The following VAMP7 variants were observed in gnomAD, a reference collection of about 807,000 sequenced individuals.
VAMP7 encodes vesicle associated membrane protein 7.
A neutral mutation model predicts 29.6 loss-of-function variants in VAMP7; 14 were observed. That is an observed-to-expected ratio of 0.47 (90% CI 0.31 to 0.74). VAMP7 has a LOEUF of 0.74. Among genes scored for constraint, VAMP7 ranks in the 30% least tolerant of loss-of-function variants. VAMP7 has a pLI of 0.05. For missense variants in VAMP7, 223 were observed against 262.4 expected (o/e 0.85, Z 1.04); for synonymous variants, 95 against 88.1 (o/e 1.08, Z -0.44).
intron 6 of VAMP7, among the ~76,000 whole-genome samples, chrX:155,930,662 A>AT (rs1475125637): frequency 6.7e-6 from 1 of 150,108 alleles, no homozygotes; most frequent in East Asian, 1.9e-4. Context: ...AAAAAAAAAA[A>AT]AATTTTTTTT....
At chrX:155,932,702 T>G (rs1165946672) in intron 6 of VAMP7, among the ~76,000 whole-genome samples, 1 of 152,210 alleles carries the variant, frequency 6.6e-6, no homozygotes, top group East Asian at 1.9e-4. Flanking sequence ...CTTTATGTCT[T>G]TCTCTTGCCT....
intron 6 of VAMP7, among the ~76,000 whole-genome samples, chrX:155,929,447 C>T (rs748415084): frequency 2.0e-5 from 3 of 152,060 alleles, no homozygotes; most frequent in Admixed American, 2.0e-4. Context: ...TAAACAGTTG[C>T]CCCCCCTGGG....
chrX:155,941,821 T>TTATTAGAATAATATGGATTATTCTA (rs1332916892), intron 7 of VAMP7, 62 bp from the exon 8 acceptor site: 9 of 1,510,062 alleles, frequency 6.0e-6, no homozygotes, highest in Non-Finnish European at 8.1e-6. Flanking sequence ...CTTTCCTATA[T>TTATTAGAATAATATGGATTATTCTA]ATATTATTTA....
At chrX:155,882,941 A>C (rs1374190255) in intron 1 of VAMP7, among the ~76,000 whole-genome samples, 1 of 152,224 alleles carries the variant, frequency 6.6e-6, no homozygotes, top group Non-Finnish European at 1.5e-5. Context: ...TGACACCTGC[A>C]TTCCTGTTCT....
chrX:155,939,681 A>G lies in VAMP7; in HGVS notation c.502-20A>G. ...ATGTAGTCAGTGCCAGGGGTTAAAC[A>G]ATTCTCGCCTCTTTTCTAGTCTGTC... On this transcript the variant is annotated intron_variant, in intron 6 of 7. Coordinates refer to ENST00000286448, the MANE Select transcript of VAMP7 (RefSeq NM_005638.6). 3 of 1,593,570 alleles carry G rather than the reference A, an allele frequency of 1.9e-6. No homozygotes were observed. Among genetic ancestry groups the G allele is most frequent in the Non-Finnish European group, 2.6e-6 (3 of 1,161,454 alleles).
chrX:155,942,304 C>G lies in VAMP7; in HGVS notation c.*353C>G, dbSNP rs748487600. 22 of 814,172 alleles carry G rather than the reference C, an allele frequency of 2.7e-5. No homozygotes were observed. In the South Asian group the frequency reaches 3.5e-4, roughly 13 times the overall value. The allele number at this position is 814,172 out of a possible 1,614,324, so 50.4% of individuals were successfully genotyped here. A position where few individuals can be genotyped will look rare whatever the true frequency, so the allele number is the denominator to read the frequency against. On this transcript the variant is annotated 3_prime_UTR_variant, in exon 8 of 8. Coordinates refer to ENST00000286448, the MANE Select transcript of VAMP7 (RefSeq NM_005638.6). ...GCTATCTACTAAAACTATGGAGAAA[C>G]TTTGTATGTGCACACAAAAGTATTC...
At chrX:155,912,436 A>T (rs1158543310) in intron 5 of VAMP7, among the ~76,000 whole-genome samples, 4 of 152,006 alleles carry the variant, frequency 2.6e-5, no homozygotes, top group African/African-American at 9.7e-5. Context: ...AGGTATACAC[A>T]TGCCATGGTG....
chrX:155,926,863 A>G (rs1478193238), intron 6 of VAMP7, among the ~76,000 whole-genome samples: 1 of 152,132 alleles, frequency 6.6e-6, no homozygotes, highest in Non-Finnish European at 1.5e-5. Flanking sequence ...CCAAATTTCA[A>G]TATTGTGTCT....
chrX:155,919,272 A>G (rs1055688438), intron 5 of VAMP7, among the ~76,000 whole-genome samples: 2 of 152,136 alleles, frequency 1.3e-5, no homozygotes, highest in African/African-American at 4.8e-5. Flanking sequence ...ATTCAATCCC[A>G]TTACTCATTA....
rs188118456 is a variant in VAMP7 at position 155,936,475 on chromosome X, C to T, written c.502-3226C>T. ...GCTGTGCTAGCAATGAGTGAGGCTC[C>T]GTGGGTGTGGGACCCTCTGAGCCAG... On this transcript the variant is annotated intron_variant, in intron 6 of 7. Transcript: ENST00000286448. 6.8e-4 allele frequency among the ~76,000 whole-genome samples: 104 copies of T among 152,306 alleles called. No individual in the cohort carries two copies. In the East Asian group the frequency reaches 0.019, roughly 27 times the overall value.
chrX:155,887,749 T>C (rs1048960902), intron 1 of VAMP7, among the ~76,000 whole-genome samples: 2 of 151,008 alleles, frequency 1.3e-5, no homozygotes, highest in Middle Eastern at 3.2e-3. Flanking sequence ...GGTGACATGG[T>C]GAAACCCTGT....
Position 155,903,684 on chromosome X carries a change from G to A in VAMP7, c.433+3097G>A, listed in dbSNP as rs369881181. ...CCATCTCACACCAGTTAGAATGGCA[G>A]TCATTAAAAAGTCAGGAAACAACAG... On this transcript the variant is annotated intron_variant, in intron 5 of 7. Coordinates refer to ENST00000286448, the MANE Select transcript of VAMP7 (RefSeq NM_005638.6). Among the ~76,000 whole-genome samples the A allele has an allele frequency of 4.0e-4, 61 of 151,934 alleles. No individual in the cohort carries two copies. The East Asian group carries it at 5.4e-3, about 14-fold the overall frequency.
chrX:155,896,295 A>G (rs2065986586), intron 3 of VAMP7, among the ~76,000 whole-genome samples: 1 of 152,214 alleles, frequency 6.6e-6, no homozygotes, highest in African/African-American at 2.4e-5. Flanking sequence ...GTTCATAATT[A>G]TAATTCTTTG....
At chrX:155,896,835 C>T (rs986875344) in intron 3 of VAMP7, among the ~76,000 whole-genome samples, 5 of 152,126 alleles carry the variant, frequency 3.3e-5, no homozygotes, top group Non-Finnish European at 5.9e-5. Context: ...GTATCACAGA[C>T]TCGTCACTTG....
At chrX:155,917,721 C>G (rs2066333864) in intron 5 of VAMP7, among the ~76,000 whole-genome samples, 1 of 152,102 alleles carries the variant, frequency 6.6e-6, no homozygotes, top group African/African-American at 2.4e-5. Context: ...AGCCAGAGCT[C>G]TCCTGTATGA....
At position 155,898,160 on chromosome X, in the gene VAMP7, A is replaced by G; in HGVS notation, c.253A>G (p.Arg85Gly). The G allele has an allele frequency of 6.2e-7, 1 of 1,613,644 alleles. No homozygotes were observed. The highest frequency in any genetic ancestry group is 1.1e-5 in the South Asian group (1 of 91,044). Residue 85 changes from arginine to glycine, a missense_variant, in exon 4 of 8, where the codon AGG becomes GGG. By Grantham distance (125) the Arg-to-Gly change is moderately radical. Coordinates refer to ENST00000286448, the MANE Select transcript of VAMP7 (RefSeq NM_005638.6). The part of the protein sequence containing the change: ...AFNFLNEIKK[R>G]FQTTYGSRAQ... ...TAATTTTCTGAATGAGATAAAGAAG[A>G]GGTTCCAGACTACTTACGGTTCAAG... is the stretch of plus-strand genomic sequence containing the variant.
intron 6 of VAMP7, among the ~76,000 whole-genome samples, chrX:155,935,107 G>A (rs1316928211): frequency 3.0e-4 from 46 of 152,132 alleles, no homozygotes; most frequent in Admixed American, 4.6e-4. Flanking sequence ...TGGGTAACCC[G>A]ACCTTTCTCT....
intron 6 of VAMP7, among the ~76,000 whole-genome samples, chrX:155,927,713 T>G (rs374640923): frequency 2.6e-5 from 4 of 151,920 alleles, no homozygotes; most frequent in African/African-American, 9.7e-5. Context: ...TTTCATCATT[T>G]TTTTAAAGAA....
Position 155,942,425 on chromosome X carries a change from T to C in VAMP7, c.*474T>C, listed in dbSNP as rs1354509073. On this transcript the variant is annotated 3_prime_UTR_variant, in exon 8 of 8. Transcript: ENST00000286448. ...ATATAAATGGATAATAGTTGTTATT[T>C]GGGGAATTGTAATGATGTTGGTGCT... 2 of 398,868 alleles carry C rather than the reference T, an allele frequency of 5.0e-6. No individual in the cohort carries two copies. Among genetic ancestry groups the C allele is most frequent in the Admixed American group, 8.2e-5 (2 of 24,528 alleles). The allele number at this position is 398,868 out of a possible 1,614,324, so 24.7% of individuals were successfully genotyped here.
Sources: gnomAD v4.1 joint callset for allele counts (sites outside exome capture counted in the v4.1 genomes callset) on GRCh38, gnomAD v4.1.1 for gene constraint, MANE v1.5 for transcripts, NCBI Gene and HGNC (gene_info 2026-07-23, HGNC 2026-07-21) for gene names.